Variants in ZNF596 observed in about 807,000 individuals in gnomAD.
ZNF596 encodes zinc finger protein 596.
ZNF596 carries 45 observed loss-of-function variants against 48.3 expected under a neutral mutation model. The observed-to-expected ratio is 0.93, with a 90% CI of 0.73 to 1.19. The LOEUF is 1.19. Among genes scored for constraint, ZNF596 ranks in the 50% most tolerant of loss-of-function variants. ZNF596 has a pLI of 0.00. For synonymous variants in ZNF596, 270 were observed against 202.0 expected (o/e 1.34, Z -2.85); for missense variants, 848 against 599.7 (o/e 1.41, Z -4.32).
chr8:239,822 C>A (rs1284625739), intron 1 of ZNF596, among the ~76,000 whole-genome samples: 1 of 152,118 alleles, frequency 6.6e-6, no homozygotes, highest in African/African-American at 2.4e-5. Context: ...CTGTCCCTTT[C>A]CCAAAGGATA....
intron 1 of ZNF596, 184 bp from the exon 2 acceptor site, chr8:240,640 A>G (rs1796815342): frequency 4.0e-6 from 2 of 494,340 alleles, no homozygotes; most frequent in African/African-American, 1.9e-5. Context: ...AAAAATATTT[A>G]TATCTTTATT....
At position 245,626 on chromosome 8, in the gene ZNF596, T is replaced by A. The variant is rs756549512; in HGVS notation, c.779T>A (p.Phe260Tyr). ...PYGCHLCGKA[F>Y]SKSSNLRRHE... ...GGATGTCATCTATGTGGGAAAGCCT[T>A]CAGTAAAAGTTCTAACCTTAGACGA... The change falls in exon 6 of 6, where the codon TTC (phenylalanine) becomes TAC (tyrosine). Residue 260 changes from phenylalanine to tyrosine, a missense_variant. Coordinates refer to ENST00000398612, the MANE Select transcript of ZNF596 (RefSeq NM_001042416.3). The A allele has an allele frequency of 6.2e-7, 1 of 1,613,914 alleles. No individual in the cohort carries two copies. The highest frequency in any genetic ancestry group is 1.7e-5 in the Admixed American group (1 of 60,004).
rs867146280 is a variant in ZNF596 at position 246,301 on chromosome 8, G to C, written c.1454G>C (p.Ser485Thr). Residue 485 changes from serine to threonine, a missense_variant, in exon 6 of 6, where the codon AGT (serine) becomes ACT (threonine). Physicochemically the swap from Ser to Thr is moderately conservative, Grantham distance 58. Coordinates refer to ENST00000398612, the MANE Select transcript of ZNF596 (RefSeq NM_001042416.3). ...TGTCCTCTATGTGGGAAAGCCTTTA[G>C]TAAATTTTTTAACCTTAGACAACAT... ...YVCPLCGKAF[S>T]KFFNLRQHER... 6.2e-7 allele frequency: 1 copy of C among 1,606,178 alleles called. No homozygotes were observed. Among genetic ancestry groups the C allele is most frequent in the East Asian group, 2.2e-5 (1 of 44,750 alleles).
intron 2 of ZNF596, among the ~76,000 whole-genome samples, chr8:241,607 G>C (rs1445559873): frequency 6.6e-6 from 1 of 152,132 alleles, no homozygotes; most frequent in Non-Finnish European, 1.5e-5. Flanking sequence ...TGGAGTATAG[G>C]AAACAGAGTA....
intron 1 of ZNF596, chr8:233,282 A>G (rs936695353): frequency 2.8e-6 from 1 of 357,522 alleles, no homozygotes; most frequent in Non-Finnish European, 5.8e-6. Context: ...CGTCAGTAGC[A>G]GAGAGGGCAG....
rs1230254787 is a variant in ZNF596, at chr8:245,244, T to C, written c.397T>C (p.Tyr133His). The change falls in exon 6 of 6, where the codon TAC becomes CAC. Residue 133 changes from tyrosine to histidine, a missense_variant. Physicochemically the swap from Tyr to His is moderately conservative, Grantham distance 83. Transcript: ENST00000398612. ...AGCATTGACTCAAAATGTGATTACC[T>C]ACATGAGAACGAAACACTTTGTAAG... ...HIALTQNVIT[Y>H]MRTKHFVSKK... 2.5e-6 allele frequency: 4 copies of C among 1,614,090 alleles called. No homozygotes were observed. The highest frequency in any genetic ancestry group is 3.4e-6 in the Non-Finnish European group (4 of 1,180,004).
At chr8:241,905 C>G (rs1421398314) in intron 2 of ZNF596, among the ~76,000 whole-genome samples, 1 of 152,086 alleles carries the variant, frequency 6.6e-6, no homozygotes, top group African/African-American at 2.4e-5. Context: ...CATAAGGCAG[C>G]AGGAGAGAGA....
chr8:234,320 G>A (rs1164769137), intron 1 of ZNF596: 2 of 152,220 alleles, frequency 1.3e-5, no homozygotes, highest in Non-Finnish European at 2.9e-5. Flanking sequence ...ACGGTGTTAT[G>A]AAAGAAGGGG....
intron 1 of ZNF596, 161 bp from the exon 2 acceptor site, chr8:240,663 C>T: frequency 1.8e-6 from 1 of 552,860 alleles, no homozygotes; most frequent in Admixed American, 3.1e-5. Flanking sequence ...CAGCAATAGT[C>T]ATTTCTTCTG....
In ZNF596 at chr8:246,183, C is replaced by A. The variant is rs151239104; in HGVS notation, c.1336C>A (p.Pro446Thr). 6 of 1,613,986 alleles carry A rather than the reference C, an allele frequency of 3.7e-6. No homozygotes were observed. The African/African-American group carries it at 8.0e-5, about 22-fold the overall frequency. ...RHERTHTGEK[P>T]YECNICGKAF... is the part of the protein sequence containing the mutation. Reference sequence around the variant, plus strand: ...TGAGAGAACTCACACTGGAGAGAAACCATATGAATGCAATATATGTGGTAA... The same window carrying A: ...TGAGAGAACTCACACTGGAGAGAAAACATATGAATGCAATATATGTGGTAA... Residue 446 changes from proline to threonine, a missense_variant, in exon 6 of 6, where the codon CCA becomes ACA. By Grantham distance (38) the Pro-to-Thr change is conservative. Coordinates refer to ENST00000398612, the MANE Select transcript of ZNF596 (RefSeq NM_001042416.3).
rs73521318 is a variant in ZNF596 at position 238,393 on chromosome 8, G to T, written c.-72-2431G>T. ...GCTCTAAGGAAAAATACAGGGCATC[G>T]TATAGCAACTGGCACAGCTCTGTGA... On this transcript the variant is annotated intron_variant, in intron 1 of 5. Transcript: ENST00000398612. 4.2e-3 allele frequency among the ~76,000 whole-genome samples: 632 copies of T among 152,052 alleles called. 1 individual carries two copies. The highest frequency in any genetic ancestry group is 0.015 in the African/African-American group (620 of 41,454).
At chr8:245,112 G>A (rs1563069517) in intron 5 of ZNF596, 42 bp from the exon 6 acceptor site, 1 of 1,527,410 alleles carries the variant, frequency 6.5e-7, no homozygotes, top group East Asian at 2.3e-5. Context: ...GAATGAGTGT[G>A]GATAAACCTT....
chr8:240,977 A>G (rs1257474387), intron 2 of ZNF596, 70 bp downstream of exon 2: 4 of 1,556,602 alleles, frequency 2.6e-6, no homozygotes, highest in East Asian at 2.2e-5. Context: ...GATTCATCCT[A>G]TTAACATGGA....
intron 1 of ZNF596, among the ~76,000 whole-genome samples, chr8:238,793 G>A (rs1403880756): frequency 6.6e-6 from 1 of 151,860 alleles, no homozygotes; most frequent in African/African-American, 2.4e-5. Flanking sequence ...GGCAACGCGA[G>A]TGAAACTCCG....
chr8:243,575 G>A, intron 3 of ZNF596, 147 bp from the exon 4 acceptor site: 1 of 631,324 alleles, frequency 1.6e-6, no homozygotes, highest in Non-Finnish European at 2.7e-6. Context: ...GCTCGTGAAG[G>A]ACTGTCAATG....
At chr8:237,655 A>G (rs1463156220) in intron 1 of ZNF596, 1 of 152,156 alleles carries the variant, frequency 6.6e-6, no homozygotes, top group Admixed American at 6.5e-5. Flanking sequence ...AAATTACTCT[A>G]TCATGTTTGT....
In ZNF596 at chr8:245,706, G is replaced by C; in HGVS notation, c.859G>C (p.Ala287Pro). 1 of 1,614,178 alleles carries C rather than the reference G, an allele frequency of 6.2e-7. No homozygotes were observed. The highest frequency in any genetic ancestry group is 8.5e-7 in the Non-Finnish European group (1 of 1,180,024). The change falls in exon 6 of 6, where the codon GCC (alanine) becomes CCC (proline). Residue 287 changes from alanine to proline, a missense_variant. Transcript: ENST00000398612. Reference protein sequence around the residue: ...KAQICHLCGKAFTHCSDLRKH... With the variant: ...KAQICHLCGKPFTHCSDLRKH... ...ACAGATATGCCATCTATGTGGGAAA[G>C]CCTTCACTCATTGCTCTGACCTTAG...
Position 246,205 on chromosome 8 carries a change from G to T in ZNF596, c.1358G>T (p.Gly453Val). Residue 453 changes from glycine to valine, a missense_variant, in exon 6 of 6, where the codon GGT becomes GTT. Coordinates refer to ENST00000398612, the MANE Select transcript of ZNF596 (RefSeq NM_001042416.3). ...AAACCATATGAATGCAATATATGTG[G>T]TAAAGCCTTCAATAGAAGTTACAAC... ...GEKPYECNIC[G>V]KAFNRSYNFR... 1.2e-6 allele frequency: 2 copies of T among 1,614,138 alleles called. No homozygotes were observed. The highest frequency in any genetic ancestry group is 1.7e-6 in the Non-Finnish European group (2 of 1,180,028).
In ZNF596 at chr8:246,407, C is replaced by G. The variant is rs975436380; in HGVS notation, c.*45C>G. On this transcript the variant is annotated 3_prime_UTR_variant, in exon 6 of 6. Transcript: ENST00000398612. ...TAACACTAAATACACCAAGGACAAA[C>G]ATACTACAGGAATATTATGTCTGTA... is the stretch of plus-strand genomic sequence containing the variant. The G allele has an allele frequency of 6.6e-7, 1 of 1,526,498 alleles. No individual in the cohort carries two copies. Among genetic ancestry groups the G allele is most frequent in the Admixed American group, 2.2e-5 (1 of 45,036 alleles). The allele number at this position is 1,526,498 out of a possible 1,614,324, so 94.6% of individuals were successfully genotyped here.
Sources: allele counts gnomAD v4.1 joint callset (sites outside exome capture counted in the v4.1 genomes callset), GRCh38; gene constraint gnomAD v4.1.1; transcripts MANE v1.5; gene names NCBI Gene and HGNC (gene_info 2026-07-23, HGNC 2026-07-21).